The following RHPN2 variants were observed in gnomAD, a reference collection of about 807,000 sequenced individuals.
RHPN2 encodes rhophilin-2.
Under a neutral mutation model 79.0 loss-of-function variants are expected in RHPN2, and 40 were observed. That is an observed-to-expected ratio of 0.51 (90% CI 0.39 to 0.66). RHPN2 has a LOEUF of 0.66. Among genes scored for constraint, RHPN2 ranks in the 30% least tolerant of loss-of-function variants. The pLI is 0.00. For missense variants in RHPN2, 686 were observed against 883.5 expected, an observed-to-expected ratio of 0.78 and a Z score of 2.83; for synonymous variants, 285 against 363.5, an observed-to-expected ratio of 0.78 and a Z score of 2.46.
chr19:33,035,004 G>T (rs1202488664), intron 2 of RHPN2, among the ~76,000 whole-genome samples: 1 of 151,938 alleles, frequency 6.6e-6, no homozygotes, highest in African/African-American at 2.4e-5. Flanking sequence ...GTCTTGCTCT[G>T]TCACCCACGC....
chr19:33,011,856 G>A, intron 5 of RHPN2, 53 bp from the exon 6 acceptor site: 1 of 1,612,924 alleles, frequency 6.2e-7, no homozygotes, highest in South Asian at 1.1e-5. Context: ...ACAGCTGATG[G>A]CCCTTCCCAG....
chr19:33,060,309 CTAA>C (rs1322670082), intron 1 of RHPN2, among the ~76,000 whole-genome samples: 3 of 152,070 alleles, frequency 2.0e-5, no homozygotes, highest in Non-Finnish European at 4.4e-5. Context: ...CCACACCTGG[CTAA>C]TAGGCAGGCA....
chr19:33,021,479 C>T, intron 4 of RHPN2, 92 bp downstream of exon 4: 9 of 1,060,610 alleles, frequency 8.5e-6, no homozygotes, highest in South Asian at 1.3e-5. Flanking sequence ...GCCTCAGCCT[C>T]CCAAGTAACT....
intron 2 of RHPN2, among the ~76,000 whole-genome samples, chr19:33,034,519 T>C (rs1053785513): frequency 6.9e-6 from 1 of 145,812 alleles, no homozygotes; most frequent in Non-Finnish European, 1.5e-5. Context: ...GGCAGAAGAA[T>C]GGCGTGAACC....
chr19:33,052,306 A>G (rs977731572), intron 1 of RHPN2, among the ~76,000 whole-genome samples: 1 of 152,134 alleles, frequency 6.6e-6, no homozygotes, highest in Non-Finnish European at 1.5e-5. Context: ...CCAAAGATAA[A>G]GCTCACACAT....
intron 7 of RHPN2, among the ~76,000 whole-genome samples, chr19:33,005,653 G>C (rs1971784966): frequency 6.7e-6 from 1 of 148,356 alleles, no homozygotes; most frequent in Non-Finnish European, 1.5e-5. Context: ...GATGGCACCT[G>C]CTGTTTTGAG....
At chr19:33,021,467 T>C (rs1971923185) in intron 4 of RHPN2, 104 bp downstream of exon 4, 34 of 914,742 alleles carry the variant, frequency 3.7e-5, no homozygotes, top group Non-Finnish European at 5.7e-5. Flanking sequence ...AGCGATCCTC[T>C]TGCCTCAGCC....
At chr19:33,057,795 G>C (rs913043631) in intron 1 of RHPN2, among the ~76,000 whole-genome samples, 1 of 151,930 alleles carries the variant, frequency 6.6e-6, no homozygotes, top group Non-Finnish European at 1.5e-5. Context: ...TTTCCAACCT[G>C]AGGCTAAGTT....
intron 1 of RHPN2, among the ~76,000 whole-genome samples, chr19:33,046,577 G>C (rs1972144660): frequency 6.6e-6 from 1 of 152,048 alleles, no homozygotes; most frequent in African/African-American, 2.4e-5. Context: ...TAGATCATAT[G>C]ATTTATTCTA....
At chr19:32,982,539 G>A (rs113308063) in intron 14 of RHPN2, among the ~76,000 whole-genome samples, 19 of 152,136 alleles carry the variant, frequency 1.2e-4, no homozygotes, top group African/African-American at 3.9e-4. Context: ...AAAACTGACC[G>A]CTAACTCCAC....
intron 1 of RHPN2, among the ~76,000 whole-genome samples, chr19:33,056,978 G>A (rs961493007): frequency 5.9e-5 from 9 of 151,346 alleles, no homozygotes; most frequent in African/African-American, 2.2e-4. Context: ...AAATTAGCCG[G>A]ACATGGTGGC....
intron 10 of RHPN2, among the ~76,000 whole-genome samples, chr19:32,998,365 A>G (rs1199584909): frequency 6.6e-6 from 1 of 152,158 alleles, no homozygotes; most frequent in Non-Finnish European, 1.5e-5. Flanking sequence ...ACAAGAGGTT[A>G]GGTGTGGTGG....
At chr19:33,022,109 T>G (rs898610817) in intron 3 of RHPN2, among the ~76,000 whole-genome samples, 1 of 149,826 alleles carries the variant, frequency 6.7e-6, no homozygotes, top group African/African-American at 2.5e-5. Flanking sequence ...CCCAGCTAAT[T>G]TTTGTATATT....
intron 2 of RHPN2, among the ~76,000 whole-genome samples, chr19:33,028,648 CA>C (rs1426165324): frequency 6.6e-6 from 1 of 152,130 alleles, no homozygotes; most frequent in African/African-American, 2.4e-5. Flanking sequence ...TGGGAAGGCT[CA>C]TTATTGTCAA....
intron 1 of RHPN2, among the ~76,000 whole-genome samples, chr19:33,063,473 A>C (rs1300646901): frequency 6.6e-6 from 1 of 152,180 alleles, no homozygotes; most frequent in African/African-American, 2.4e-5. Context: ...GTTTATGGGA[A>C]AGTTTCACTT....
chr19:32,986,987 C>CT (rs1555709694), intron 14 of RHPN2, among the ~76,000 whole-genome samples: 2 of 151,538 alleles, frequency 1.3e-5, no homozygotes, highest in South Asian at 4.2e-4. Context: ...AGTGATCCTC[C>CT]TGCCTCAGCC....
intron 7 of RHPN2, among the ~76,000 whole-genome samples, chr19:33,006,981 G>A (rs766243818): frequency 3.3e-5 from 5 of 152,058 alleles, no homozygotes; most frequent in Admixed American, 6.6e-5. Context: ...GGCAGACGTC[G>A]TAGTGAGCAG....
At chr19:33,061,476 ATTT>A (rs749163139) in intron 1 of RHPN2, among the ~76,000 whole-genome samples, 2 of 135,884 alleles carry the variant, frequency 1.5e-5, no homozygotes, top group African/African-American at 2.7e-5. Context: ...AAGTGCTGGG[ATTT>A]TTTTTTTTTT....
intron 1 of RHPN2, among the ~76,000 whole-genome samples, chr19:33,050,469 G>A (rs1033822968): frequency 3.9e-5 from 6 of 151,948 alleles, no homozygotes; most frequent in African/African-American, 9.7e-5. Flanking sequence ...ATAAACCTGC[G>A]TAACCATCAC....
Sources: allele counts gnomAD v4.1 joint callset (sites outside exome capture counted in the v4.1 genomes callset), GRCh38; gene constraint gnomAD v4.1.1; transcripts MANE v1.5; gene names NCBI Gene and HGNC (gene_info 2026-07-23, HGNC 2026-07-21).